DPP6: variants seen among roughly 807,000 people sequenced by gnomAD.
DPP6 encodes dipeptidyl peptidase like 6, also known as A-type potassium channel modulatory protein DPP6.
DPP6 carries 69 observed loss-of-function variants against 122.6 expected under a neutral mutation model. The ratio of observed to expected loss-of-function variants is 0.56; its 90% confidence interval spans 0.46 to 0.69. The LOEUF (loss-of-function observed/expected upper bound fraction) is 0.69. DPP6 is among the 30% of genes least tolerant of loss of function. The probability of loss-of-function intolerance (pLI) is 0.00; values close to 1 mark genes in which losing one functional copy is unlikely to be tolerated. For synonymous variants in DPP6, 418 were observed against 433.1 expected (o/e 0.97, Z 0.43); for missense variants, 928 against 1,116.9 (o/e 0.83, Z 2.41).
chr7:154,464,297 A>G (rs926976784), intron 2 of DPP6, among the ~76,000 whole-genome samples: 1 of 152,352 alleles, frequency 6.6e-6, no homozygotes, highest in African/African-American at 2.4e-5. Context: ...CCAAGCAAGC[A>G]GATTCTCTGC....
At chr7:154,116,647 A>G (rs1455622519) in intron 1 of DPP6, among the ~76,000 whole-genome samples, 1 of 152,196 alleles carries the variant, frequency 6.6e-6, no homozygotes, top group Non-Finnish European at 1.5e-5. Context: ...TATTTGACCA[A>G]TCTACCTTTA....
chr7:154,764,541 A>G (rs1045580769), intron 8 of DPP6, among the ~76,000 whole-genome samples: 3 of 152,168 alleles, frequency 2.0e-5, no homozygotes, highest in African/African-American at 7.2e-5. Context: ...GTGCCCACCT[A>G]CAAGCCATTG....
intron 18 of DPP6, 133 bp from the exon 19 acceptor site, chr7:154,872,491 C>T: frequency 7.2e-7 from 1 of 1,381,784 alleles, no homozygotes; most frequent in Non-Finnish European, 9.6e-7. Flanking sequence ...AAACCCTGGG[C>T]CAGTCTCTGT....
At chr7:154,167,267 G>T (rs1056975730) in intron 1 of DPP6, among the ~76,000 whole-genome samples, 7 of 152,158 alleles carry the variant, frequency 4.6e-5, no homozygotes, top group African/African-American at 1.7e-4. Flanking sequence ...TAGGCAAATA[G>T]AAGTTAAGCA....
chr7:154,453,827 T>C (rs1302578413), intron 2 of DPP6, among the ~76,000 whole-genome samples: 5 of 152,188 alleles, frequency 3.3e-5, no homozygotes, highest in Non-Finnish European at 4.4e-5. Flanking sequence ...GCTTTTGTTC[T>C]ATATGTTTGT....
chr7:153,784,000 G>C, the DPP6 span, among the ~76,000 whole-genome samples: 1 of 152,228 alleles, frequency 6.6e-6, no homozygotes, highest in Non-Finnish European at 1.5e-5. Flanking sequence ...CATAATGTGT[G>C]TGTTAGCCCC....
intron 1 of DPP6, among the ~76,000 whole-genome samples, chr7:154,248,561 G>C (rs776586648): frequency 6.6e-6 from 1 of 152,174 alleles, no homozygotes; most frequent in Admixed American, 6.5e-5. Flanking sequence ...GATCATGTAT[G>C]TTTGTCAAAA....
chr7:154,335,965 C>T (rs770183712), intron 1 of DPP6, among the ~76,000 whole-genome samples: 4 of 152,052 alleles, frequency 2.6e-5, no homozygotes, highest in Non-Finnish European at 4.4e-5. Context: ...TCCATGAAAG[C>T]GGTTCATGCT....
rs1335375339 is a variant in DPP6, at chr7:154,607,975, CT to C, written c.628-29836del. 8.3e-3 allele frequency among the ~76,000 whole-genome samples: 810 copies of C among 97,102 alleles called. 122 individuals are homozygous for C. Among genetic ancestry groups the C allele is most frequent in the African/African-American group, 0.023 (747 of 32,046 alleles). 63.7% of individuals were successfully genotyped at this position (97,102 alleles called of 152,430 possible). A position where few individuals can be genotyped will look rare whatever the true frequency, so the allele number is the denominator to read the frequency against. Reference sequence around the variant, plus strand: ...TTCCTAAAATAATATTTAGTTTTTTCTTTTTTTTTTCTTTTTTTTTTTGAGA... The same window carrying C: ...TTCCTAAAATAATATTTAGTTTTTTCTTTTTTTTTCTTTTTTTTTTTGAGA... On this transcript the variant is annotated intron_variant, in intron 5 of 25. Coordinates refer to ENST00000377770, the MANE Select transcript of DPP6 (RefSeq NM_130797.4).
intron 4 of DPP6, among the ~76,000 whole-genome samples, chr7:154,546,743 A>G: frequency 6.6e-6 from 1 of 152,224 alleles, no homozygotes; most frequent in East Asian, 1.9e-4. Flanking sequence ...ATAAATAGGC[A>G]AGTATTATTA....
rs754745856 is a variant in DPP6, at chr7:154,868,111, C to T, written c.1813+18C>T. The T allele has an allele frequency of 6.3e-7, 1 of 1,584,154 alleles. No individual in the cohort carries two copies. Among genetic ancestry groups the T allele is most frequent in the Non-Finnish European group, 8.6e-7 (1 of 1,165,142 alleles). ...TGATTACAGTAAGTACTACGTTTTT[C>T]CCCTCTAAAAGAAAAAGAAAAAGAA... On this transcript the variant is annotated intron_variant, in intron 18 of 25. Coordinates refer to ENST00000377770, the MANE Select transcript of DPP6 (RefSeq NM_130797.4).
intron 16 of DPP6, among the ~76,000 whole-genome samples, chr7:154,842,802 A>G (rs953684899): frequency 2.0e-5 from 3 of 152,206 alleles, no homozygotes; most frequent in Non-Finnish European, 4.4e-5. Context: ...ATCTCTTCGT[A>G]AGCAAAGGCT....
intron 1 of DPP6, among the ~76,000 whole-genome samples, chr7:154,169,151 T>C (rs1797408069): frequency 6.6e-6 from 1 of 152,166 alleles, no homozygotes; most frequent in Non-Finnish European, 1.5e-5. Context: ...TTCTGAGTCA[T>C]TTCCTGGGTC....
At chr7:153,790,618 GTT>G in the DPP6 span, among the ~76,000 whole-genome samples, 7 of 152,242 alleles carry the variant, frequency 4.6e-5, no homozygotes, top group African/African-American at 1.7e-4. Flanking sequence ...AAATGTTTCC[GTT>G]GATACTGACA....
intron 1 of DPP6, among the ~76,000 whole-genome samples, chr7:154,101,780 T>C (rs1214248788): frequency 6.7e-6 from 1 of 150,328 alleles, no homozygotes; most frequent in African/African-American, 2.5e-5. Context: ...ATACAAAAAT[T>C]AGCTGGGCAC....
At chr7:154,597,893 G>A (rs73727311) in intron 5 of DPP6, among the ~76,000 whole-genome samples, 4,560 of 152,180 alleles carry the variant, frequency 0.03, 221 homozygotes, top group African/African-American at 0.1. Flanking sequence ...CTCTCCTTGT[G>A]TGCATGTCTG....
At chr7:153,877,659 C>T in the DPP6 span, among the ~76,000 whole-genome samples, 91,975 of 151,904 alleles carry the variant, frequency 0.61, 28,174 homozygotes, top group Middle Eastern at 0.69. Context: ...AAAAATAGTA[C>T]GTATGACCAA....
chr7:153,921,160 T>C (rs1021766065), intron 1 of DPP6, among the ~76,000 whole-genome samples: 1 of 152,232 alleles, frequency 6.6e-6, no homozygotes, highest in African/African-American at 2.4e-5. Flanking sequence ...TAGATCAGCA[T>C]GTATTTTAGG....
At chr7:154,275,067 T>G (rs1804041046) in intron 1 of DPP6, among the ~76,000 whole-genome samples, 1 of 152,256 alleles carries the variant, frequency 6.6e-6, no homozygotes, top group Non-Finnish European at 1.5e-5. Flanking sequence ...GCAGCACCTG[T>G]GTCCTTTCAT....
Sources: gnomAD v4.1 joint callset for allele counts (sites outside exome capture counted in the v4.1 genomes callset) on GRCh38, gnomAD v4.1.1 for gene constraint, MANE v1.5 for transcripts, NCBI Gene and HGNC (gene_info 2026-07-23, HGNC 2026-07-21) for gene names.